Variants in MIGA2 observed in about 807,000 individuals in gnomAD.
MIGA2 encodes the protein family with sequence similarity 73, member B.
Under a neutral mutation model 69.9 loss-of-function variants are expected in MIGA2, and 36 were observed. The observed-to-expected ratio is 0.52, with a 90% confidence interval of 0.39 to 0.68. The LOEUF is 0.68. MIGA2 is among the 30% of genes least tolerant of loss of function. The pLI is 0.00. For missense variants in MIGA2, 660 were observed against 787.7 expected (o/e 0.84, Z 1.94); for synonymous variants, 333 against 349.2 (o/e 0.95, Z 0.52).
chr9:129,061,172 C>G lies in MIGA2; in HGVS notation c.895-59C>G. 6.9e-7 allele frequency: 1 copy of G among 1,451,106 alleles called. No homozygotes were observed. The highest frequency in any genetic ancestry group is 9.5e-7 in the Non-Finnish European group (1 of 1,052,686). The allele number at this position is 1,451,106 out of a possible 1,614,324, so 89.9% of individuals were successfully genotyped here. A position where few individuals can be genotyped will look rare whatever the true frequency, so the allele number is the denominator to read the frequency against. ...GCCGACCAATGGGCAGGTGCCCTTG[C>G]GCCGTGGCGTGCTGCTCACATGGGC... On this transcript the variant is annotated intron_variant, in intron 8 of 15. Coordinates refer to ENST00000684074, the MANE Select transcript of MIGA2 (RefSeq NM_001329990.2). The surrounding 1 kb of genome is among the most constrained non-coding windows in gnomAD (Gnocchi z 5.0).
intron 3 of MIGA2, among the ~76,000 whole-genome samples, chr9:129,047,458 G>A (rs1037056192): frequency 2.0e-5 from 3 of 151,882 alleles, no homozygotes; most frequent in African/African-American, 7.3e-5. Context: ...TGTTGCCCAG[G>A]CTGGAGTGCA....
intron 4 of MIGA2, among the ~76,000 whole-genome samples, chr9:129,048,876 G>C (rs1177318728): frequency 6.6e-6 from 1 of 152,182 alleles, no homozygotes; most frequent in Non-Finnish European, 1.5e-5. Context: ...AAACAAGGCA[G>C]AAGCTTGGCT....
rs1022772630 is a variant in MIGA2 at position 129,071,539 on chromosome 9, G to C, written c.*1086G>C. The C allele has an allele frequency of 6.6e-6, 1 of 152,222 alleles. No individual in the cohort carries two copies. Among genetic ancestry groups the C allele is most frequent in the African/African-American group, 2.4e-5 (1 of 41,416 alleles). The allele number at this position is 152,222 out of a possible 1,614,324, so 9.4% of individuals were successfully genotyped here. A position where few individuals can be genotyped will look rare whatever the true frequency, so the allele number is the denominator to read the frequency against. On this transcript the variant is annotated 3_prime_UTR_variant, in exon 16 of 16. Coordinates refer to ENST00000684074, the MANE Select transcript of MIGA2 (RefSeq NM_001329990.2). ...GCTGTGGCTCTGCCCTTTCCAGGTT[G>C]AGAGGCCTGCAGGAGAAACACACTC...
rs925222182 is a variant in MIGA2 at position 129,060,369 on chromosome 9, G to A, written c.794-181G>A. On this transcript the variant is annotated intron_variant, in intron 7 of 15. Coordinates refer to ENST00000684074, the MANE Select transcript of MIGA2 (RefSeq NM_001329990.2). The surrounding 1 kb of genome is among the most constrained non-coding windows in gnomAD (Gnocchi z 4.8). Reference sequence around the variant, plus strand: ...GTTGAAGGAGGTCACTCACTGAGGCGAGGAGTCCAGCGTCCTCACACAGAA... The same window carrying A: ...GTTGAAGGAGGTCACTCACTGAGGCAAGGAGTCCAGCGTCCTCACACAGAA... 20 of 554,306 alleles carry A rather than the reference G, an allele frequency of 3.6e-5. No individual in the cohort carries two copies. The highest frequency in any genetic ancestry group is 1.3e-4 in the East Asian group (4 of 31,642). The allele number at this position is 554,306 out of a possible 1,614,324, so 34.3% of individuals were successfully genotyped here.
At chr9:129,055,943 A>G (rs1845772980) in intron 6 of MIGA2, among the ~76,000 whole-genome samples, 1 of 151,784 alleles carries the variant, frequency 6.6e-6, no homozygotes, top group African/African-American at 2.4e-5. Flanking sequence ...GAGTCTAGGA[A>G]TTCAAGACCA....
chr9:129,068,086 C>G lies in MIGA2; in HGVS notation c.1270-112C>G. ...CAGCAGAGCGGGAAAGACGTGTCCC[C>G]CCCACGTGTGCTCATGCCCTGGACC... On this transcript the variant is annotated intron_variant, in intron 12 of 15. Coordinates refer to ENST00000684074, the MANE Select transcript of MIGA2 (RefSeq NM_001329990.2). The surrounding 1 kb of genome is among the most constrained non-coding windows in gnomAD (Gnocchi z 4.1). The G allele has an allele frequency of 1.4e-6, 2 of 1,459,274 alleles. No individual in the cohort carries two copies. The highest frequency in any genetic ancestry group is 1.9e-6 in the Non-Finnish European group (2 of 1,042,378). The allele number at this position is 1,459,274 out of a possible 1,614,324, so 90.4% of individuals were successfully genotyped here.
Position 129,063,560 on chromosome 9 carries a change from A to T in MIGA2, c.1099A>T (p.Lys367Ter), listed in dbSNP as rs1846178917. Residue 367 changes from lysine to a stop codon, truncating the protein, a stop_gained, in exon 11 of 16, where the codon AAG (lysine) becomes TAG (stop). Coordinates refer to ENST00000684074, the MANE Select transcript of MIGA2 (RefSeq NM_001329990.2). LOFTEE classifies it high-confidence loss of function. ...RQAFEGLLED[K>*]SNQLFFGKVG... ...CCTTCCCTAGGGGCTTCTGGAAGAC[A>T]AGAGTAACCAGCTTTTCTTCGGGAA... 1 of 1,612,588 alleles carries T rather than the reference A, an allele frequency of 6.2e-7. No individual in the cohort carries two copies.
At chr9:129,066,656 C>CA (rs34457777) in intron 11 of MIGA2, among the ~76,000 whole-genome samples, 12,879 of 71,134 alleles carry the variant, frequency 0.18, 1,015 homozygotes, top group African/African-American at 0.25. Context: ...CCTGGGCGAC[C>CA]AAAAAAAAAA....
intron 6 of MIGA2, among the ~76,000 whole-genome samples, chr9:129,054,361 G>C (rs1393362552): frequency 6.6e-6 from 1 of 152,104 alleles, no homozygotes; most frequent in Non-Finnish European, 1.5e-5. Flanking sequence ...AGGAGGCTGA[G>C]GCAGTAGGAT....
intron 2 of MIGA2, 194 bp from the exon 3 acceptor site, chr9:129,042,110 G>A (rs1844938558): frequency 1.6e-6 from 1 of 610,094 alleles, no homozygotes. Context: ...CCATCTTTAT[G>A]TTTTTGTGGC....
chr9:129,048,230 T>C (rs1845333286), intron 3 of MIGA2, among the ~76,000 whole-genome samples, 197 bp from the exon 4 acceptor site: 2 of 152,182 alleles, frequency 1.3e-5, no homozygotes, highest in African/African-American at 4.8e-5. Context: ...GGCAGGGATG[T>C]GGTCATGAGC....
At chr9:129,038,017 C>T (rs1422082211) in intron 1 of MIGA2, among the ~76,000 whole-genome samples, 3 of 152,176 alleles carry the variant, frequency 2.0e-5, no homozygotes, top group Non-Finnish European at 2.9e-5. Flanking sequence ...GGAATAAGAG[C>T]TTGGGAAATA....
intron 1 of MIGA2, among the ~76,000 whole-genome samples, chr9:129,039,406 C>T (rs562114102): frequency 1.3e-5 from 2 of 151,712 alleles, no homozygotes; most frequent in African/African-American, 4.8e-5. Flanking sequence ...CTACAACGCC[C>T]GGCTAATTTT....
chr9:129,054,364 A>G (rs1323083476), intron 6 of MIGA2, among the ~76,000 whole-genome samples: 1 of 151,886 alleles, frequency 6.6e-6, no homozygotes, highest in African/African-American at 2.4e-5. Flanking sequence ...AGGCTGAGGC[A>G]GTAGGATCCC....
At position 129,068,386 on chromosome 9, in the gene MIGA2, T is replaced by C; in HGVS notation, c.1404+54T>C. On this transcript the variant is annotated intron_variant, in intron 13 of 15. Coordinates refer to ENST00000684074, the MANE Select transcript of MIGA2 (RefSeq NM_001329990.2). The surrounding 1 kb of genome is among the most constrained non-coding windows in gnomAD (Gnocchi z 4.1). ...CACTTGCTCACATCAGCCCGTGTGG[T>C]TGCCTGGCTCCGTCCCCTCTGTCCC... The C allele has an allele frequency of 6.3e-7, 1 of 1,593,806 alleles. No individual in the cohort carries two copies. Among genetic ancestry groups the C allele is most frequent in the Non-Finnish European group, 8.5e-7 (1 of 1,177,252 alleles).
Position 129,069,923 on chromosome 9 carries a change from T to G in MIGA2, c.1533T>G (p.Leu511=). The part of the protein sequence containing the change: ...HVSPVLAFGF[L]GPKPQLAEVC... ...GCCCTGTCCTAGCCTTCGGCTTCCT[T>G]GGACCCAAGCCTCAGCTTGCTGAAG... The change falls in exon 15 of 16, where the codon CTT becomes CTG. Residue 511 remains leucine (L), a synonymous_variant. Coordinates refer to ENST00000684074, the MANE Select transcript of MIGA2 (RefSeq NM_001329990.2). This position sits in a 1 kb window ranked among gnomAD's most constrained non-coding sequence, Gnocchi z 4.9. The G allele has an allele frequency of 6.2e-7, 1 of 1,612,668 alleles. No individual in the cohort carries two copies.
chr9:129,063,856 G>A (rs1045267387), intron 11 of MIGA2, among the ~76,000 whole-genome samples: 5 of 152,142 alleles, frequency 3.3e-5, no homozygotes, highest in African/African-American at 9.7e-5. Flanking sequence ...TGTGGCGTCC[G>A]TCTCTCCATG....
intron 3 of MIGA2, among the ~76,000 whole-genome samples, chr9:129,043,286 G>A (rs888927066): frequency 6.6e-6 from 1 of 151,922 alleles, no homozygotes; most frequent in Non-Finnish European, 1.5e-5. Context: ...AGAGTCATCC[G>A]ACCACCACCA....
In MIGA2 at chr9:129,070,524, G is replaced by T; in HGVS notation, c.*71G>T. On this transcript the variant is annotated 3_prime_UTR_variant, in exon 16 of 16. Coordinates refer to ENST00000684074, the MANE Select transcript of MIGA2 (RefSeq NM_001329990.2). ...TTCCCTGGGTTGGTATCTGACAGCT[G>T]TGGTGGCTGAGGGCCGTTGCCCCTG... 1 of 1,433,672 alleles carries T rather than the reference G, an allele frequency of 7.0e-7. No homozygotes were observed. Among genetic ancestry groups the T allele is most frequent in the Non-Finnish European group, 9.2e-7 (1 of 1,089,406 alleles). 88.8% of individuals were successfully genotyped at this position (1,433,672 alleles called of 1,614,324 possible).
Sources: gnomAD v4.1 joint callset for allele counts (sites outside exome capture counted in the v4.1 genomes callset) on GRCh38, gnomAD v4.1.1 for gene constraint, Gnocchi (gnomAD v3.1) non-coding constraint, MANE v1.5 for transcripts, NCBI Gene and HGNC (gene_info 2026-07-23, HGNC 2026-07-21) for gene names.